The following DMXL1 variants were observed in gnomAD, a reference collection of about 807,000 sequenced individuals.
DMXL1 encodes dmX-like protein 1.
In DMXL1, 99 loss-of-function variants were observed where a neutral mutation model predicts 319.2. That is an observed-to-expected ratio of 0.31 (90% CI 0.26 to 0.37). DMXL1 has a LOEUF of 0.37. Ranked by LOEUF, DMXL1 falls within the 10% of genes least tolerant of loss-of-function variation. The pLI is 1.00. For synonymous variants in DMXL1, 1,385 were observed against 1,235.2 expected (o/e 1.12, Z -2.54); for missense variants, 3,745 against 3,595.6 (o/e 1.04, Z -1.06).
At chr5:119,240,551 C>A in intron 42 of DMXL1, 80 bp downstream of exon 42, 2 of 1,020,316 alleles carry the variant, frequency 2.0e-6, no homozygotes, top group Non-Finnish European at 3.0e-6. Context: ...GGATTTGTTA[C>A]TGATGACACA....
Position 119,118,220 on chromosome 5 carries a change from C to T in DMXL1, c.744-595C>T, listed in dbSNP as rs530985549. The stretch of plus-strand genomic sequence containing the variant: ...AATATTCAATTCTTGCATTTCACTG[C>T]TTTGGGCATCTGTTAGGTAAGGAGA... On this transcript the variant is annotated intron_variant, in intron 7 of 43. Transcript: ENST00000539542. Among the ~76,000 whole-genome samples, 76 of 152,276 alleles carry T rather than the reference C, an allele frequency of 5.0e-4. 2 individuals are homozygous for T. In the South Asian group the frequency reaches 0.015, roughly 31 times the overall value.
intron 13 of DMXL1, among the ~76,000 whole-genome samples, chr5:119,142,339 A>G (rs115573320): frequency 1.9e-3 from 296 of 152,180 alleles, no homozygotes; most frequent in African/African-American, 6.8e-3. Flanking sequence ...ACTTAAATTT[A>G]CAAGAGAAAA....
At chr5:119,080,905 C>T (rs1371048979) in intron 1 of DMXL1, among the ~76,000 whole-genome samples, 2 of 152,158 alleles carry the variant, frequency 1.3e-5, no homozygotes, top group Non-Finnish European at 2.9e-5. Flanking sequence ...CTTCAGGAAA[C>T]TTTTCAATTA....
intron 9 of DMXL1, among the ~76,000 whole-genome samples, chr5:119,125,174 A>G (rs976899482): frequency 6.6e-6 from 1 of 152,228 alleles, no homozygotes; most frequent in Non-Finnish European, 1.5e-5. Context: ...GACAGTAGAA[A>G]CAAAAATAGA....
At chr5:119,173,263 C>A (rs996544510) in intron 25 of DMXL1, among the ~76,000 whole-genome samples, 2 of 151,578 alleles carry the variant, frequency 1.3e-5, no homozygotes, top group African/African-American at 4.9e-5. Flanking sequence ...TCACTTGAAC[C>A]CAGGAGGCAG....
At chr5:119,228,562 C>T (rs1786032270) in intron 38 of DMXL1, among the ~76,000 whole-genome samples, 1 of 152,110 alleles carries the variant, frequency 6.6e-6, no homozygotes, top group Admixed American at 6.6e-5. Flanking sequence ...AAGAAGGTAT[C>T]ACCGTTATTT....
intron 7 of DMXL1, among the ~76,000 whole-genome samples, chr5:119,117,993 T>C (rs575238621): frequency 3.9e-4 from 60 of 152,372 alleles, no homozygotes; most frequent in African/African-American, 1.4e-3. Context: ...ACTTTTTCTT[T>C]CTTTCTTCTA....
At chr5:119,223,400 G>C (rs1784983816) in intron 37 of DMXL1, among the ~76,000 whole-genome samples, 1 of 152,084 alleles carries the variant, frequency 6.6e-6, no homozygotes, top group African/African-American at 2.4e-5. Context: ...AGCTCTTCGA[G>C]AGCTTGGATT....
chr5:119,096,381 G>C (rs531161939), intron 1 of DMXL1, among the ~76,000 whole-genome samples: 1 of 152,132 alleles, frequency 6.6e-6, no homozygotes, highest in Admixed American at 6.5e-5. Context: ...TCTGCATGTA[G>C]GTCAGGCTGG....
In DMXL1 at chr5:119,189,593, A is replaced by G. The variant is rs1581227533; in HGVS notation, c.7136-115A>G. Reference sequence around the variant, plus strand: ...CCTGCTGTGTACTTTCATAATCTCAATCTTATTTTTTTGTGTGTGCTTATT... The same window carrying G: ...CCTGCTGTGTACTTTCATAATCTCAGTCTTATTTTTTTGTGTGTGCTTATT... On this transcript the variant is annotated intron_variant, in intron 28 of 43. Coordinates refer to ENST00000539542, the MANE Select transcript of DMXL1 (RefSeq NM_001290321.3). 3.7e-5 allele frequency: 34 copies of G among 927,150 alleles called. No individual in the cohort carries two copies. The South Asian group carries it at 5.9e-4, about 16-fold the overall frequency. The allele number at this position is 927,150 out of a possible 1,614,324, so 57.4% of individuals were successfully genotyped here.
intron 9 of DMXL1, among the ~76,000 whole-genome samples, chr5:119,122,579 T>C (rs1171605150): frequency 1.4e-5 from 2 of 148,146 alleles, no homozygotes; most frequent in African/African-American, 5.0e-5. Context: ...GCTCCTCACT[T>C]CTCTGACGGG....
chr5:119,093,206 C>G (rs756829075), intron 1 of DMXL1, among the ~76,000 whole-genome samples: 2 of 152,074 alleles, frequency 1.3e-5, no homozygotes, highest in Non-Finnish European at 2.9e-5. Context: ...TATTTTTGAA[C>G]AGAGTCTTGC....
chr5:119,207,840 T>C (rs1782032767), intron 34 of DMXL1, among the ~76,000 whole-genome samples: 1 of 152,210 alleles, frequency 6.6e-6, no homozygotes, highest in Admixed American at 6.5e-5. Context: ...TACGACTTTA[T>C]GAGGTTAATA....
intron 32 of DMXL1, among the ~76,000 whole-genome samples, chr5:119,200,140 T>C (rs1780432545): frequency 6.6e-6 from 1 of 152,224 alleles, no homozygotes; most frequent in African/African-American, 2.4e-5. Flanking sequence ...TGTCATAAAA[T>C]CTTTGCCTGT....
rs188568266 is a variant in DMXL1, at chr5:119,100,712, G to T, written c.214-1223G>T. The stretch of plus-strand genomic sequence containing the variant: ...ATAAGGAGCACTCTCTTCTTGGTGG[G>T]ATGGTGGTCATTCACCTCTAAACAT... On this transcript the variant is annotated intron_variant, in intron 2 of 43. Transcript: ENST00000539542. The T allele has an allele frequency of 1.3e-4, 19 of 150,884 alleles. No individual in the cohort carries two copies. In the East Asian group the frequency reaches 3.7e-3, roughly 29 times the overall value. The allele number at this position is 150,884 out of a possible 1,614,324, so 9.3% of individuals were successfully genotyped here.
chr5:119,150,127 A>G lies in DMXL1; in HGVS notation c.4300A>G (p.Lys1434Glu). The G allele has an allele frequency of 6.2e-7, 1 of 1,613,828 alleles. No individual in the cohort carries two copies. The stretch of plus-strand genomic sequence containing the variant: ...ATCTAGTAATGAGAGTACGTTAAGT[A>G]AATCAAACCAATTATCTAAAGAAAG... ...EKSSNESTLS[K>E]SNQLSKESYD... is the part of the protein sequence containing the mutation. The change falls in exon 18 of 44, where the codon AAA becomes GAA. Residue 1434 changes from lysine to glutamate, a missense_variant. Physicochemically the swap from Lys to Glu is moderately conservative, Grantham distance 56 (BLOSUM62 1). This residue lies in a region of DMXL1 where 2,096 missense variants were observed against 1,985.4 expected (regional missense o/e 1.06). Coordinates refer to ENST00000539542, the MANE Select transcript of DMXL1 (RefSeq NM_001290321.3).
rs1313395912 is a variant in DMXL1, at chr5:119,167,607, G to T, written c.5141G>T (p.Cys1714Phe). 1 of 1,584,964 alleles carries T rather than the reference G, an allele frequency of 6.3e-7. No homozygotes were observed. Among genetic ancestry groups the T allele is most frequent in the Non-Finnish European group, 8.6e-7 (1 of 1,164,454 alleles). ...AAACAATATTTTTTTTTAAAGGTAT[G>T]TCTTGAGAAATTGAATGACATTCAG... Reference protein sequence around the residue: ...AGCLRDAIEVCLEKLNDIQLA... With the variant: ...AGCLRDAIEVFLEKLNDIQLA... Residue 1714 changes from cysteine to phenylalanine, a missense_variant, in exon 23 of 44, where the codon TGT (cysteine) becomes TTT (phenylalanine). Transcript: ENST00000539542.
rs191604911 is a variant in DMXL1, at chr5:119,110,152, C to T, written c.366C>T (p.Gly122=). 6.3e-7 allele frequency: 1 copy of T among 1,588,912 alleles called. No individual in the cohort carries two copies. Among genetic ancestry groups the T allele is most frequent in the Non-Finnish European group, 8.5e-7 (1 of 1,171,060 alleles). ...IAHNITWDPT[G]SRLLTGSSYL... is the part of the protein sequence containing the mutation. ...AATGAGGAATAATATTTTTTTTAGGCAGTCGTCTTTTAACTGGTTCCAGCT... is the reference window on the plus strand; with the variant it reads ...AATGAGGAATAATATTTTTTTTAGGTAGTCGTCTTTTAACTGGTTCCAGCT... Residue 122 remains glycine, a splice_region_variant and synonymous_variant, in exon 5 of 44, where the codon GGC becomes GGT. Transcript: ENST00000539542.
At chr5:119,200,933 T>C (rs1028914754) in intron 32 of DMXL1, among the ~76,000 whole-genome samples, 1 of 152,212 alleles carries the variant, frequency 6.6e-6, no homozygotes, top group Non-Finnish European at 1.5e-5. Context: ...TCCTGAAACT[T>C]TGCTAAGTTG....
Sources: allele counts gnomAD v4.1 joint callset (sites outside exome capture counted in the v4.1 genomes callset), GRCh38; gene constraint gnomAD v4.1.1; regional missense constraint gnomAD v4.1.1; transcripts MANE v1.5; gene names NCBI Gene and HGNC (gene_info 2026-07-23, HGNC 2026-07-21).